Variants in BBOF1 observed in about 807,000 individuals in gnomAD.
The protein encoded by BBOF1 is basal body-orientation factor 1.
In BBOF1, 62 loss-of-function variants were observed where a neutral mutation model predicts 68.0. The observed-to-expected ratio is 0.91, with a 90% CI of 0.74 to 1.13. The LOEUF is 1.13. Among genes scored for constraint, BBOF1 ranks in the 50% most tolerant of loss-of-function variants. BBOF1 has a pLI of 0.00. For synonymous variants in BBOF1, 208 were observed against 198.8 expected, an observed-to-expected ratio of 1.05 and a Z score of -0.39; for missense variants, 534 against 600.1, an observed-to-expected ratio of 0.89 and a Z score of 1.15.
intron 6 of BBOF1, 56 bp downstream of exon 6, chr14:74,046,186 G>A: frequency 1.4e-6 from 2 of 1,444,032 alleles, no homozygotes; most frequent in Non-Finnish European, 1.9e-6. Context: ...CTCTTTGCTG[G>A]TCTCTTTTCT....
chr14:74,075,467 G>A (rs1231709295), intron 9 of BBOF1, among the ~76,000 whole-genome samples: 1 of 151,966 alleles, frequency 6.6e-6, no homozygotes, highest in Non-Finnish European at 1.5e-5. Context: ...AGACCACCCT[G>A]GGCAACATGG....
At chr14:74,029,276 C>T (rs560889719) in intron 3 of BBOF1, 27 bp downstream of exon 3, 1 of 1,414,268 alleles carries the variant, frequency 7.1e-7, no homozygotes, top group Non-Finnish European at 9.8e-7. Flanking sequence ...TACTAATACT[C>T]CACTTACTGG....
chr14:74,020,399 C>A (rs957084427), intron 1 of BBOF1, among the ~76,000 whole-genome samples: 9 of 152,134 alleles, frequency 5.9e-5, no homozygotes, highest in Non-Finnish European at 1.3e-4. Context: ...GGGTAAGAGA[C>A]CTTATTCCTT....
intron 3 of BBOF1, among the ~76,000 whole-genome samples, chr14:74,030,949 G>GAC (rs2059554472): frequency 1.3e-5 from 2 of 150,726 alleles, no homozygotes; most frequent in African/African-American, 4.9e-5. Flanking sequence ...TAGAGAGAGA[G>GAC]AGATTATATA....
chr14:74,058,546 G>A (rs2060270583), intron 11 of BBOF1: 1 of 150,262 alleles, frequency 6.7e-6, no homozygotes, highest in Non-Finnish European at 1.5e-5. Flanking sequence ...TATCCAGCCA[G>A]GTGGTAGTAA....
chr14:74,041,526 G>A (rs1445165440), intron 5 of BBOF1, among the ~76,000 whole-genome samples: 2 of 152,082 alleles, frequency 1.3e-5, no homozygotes, highest in Admixed American at 6.6e-5. Context: ...GTAGGCACTT[G>A]AGGGTGGGGC....
downstream of BBOF1, chr14:74,068,788 T>TG: frequency 6.4e-7 from 1 of 1,562,608 alleles, no homozygotes; most frequent in Non-Finnish European, 8.8e-7. Flanking sequence ...GTGGCCTCTC[T>TG]GCTGAAGGTC....
chr14:74,047,828 C>A, intron 6 of BBOF1, 102 bp from the exon 7 acceptor site: 1 of 980,796 alleles, frequency 1.0e-6, no homozygotes, highest in Non-Finnish European at 1.5e-6. Context: ...GTGGTAGTCA[C>A]TATTGATAAT....
At chr14:74,031,513 A>C (rs2059569245) in intron 3 of BBOF1, among the ~76,000 whole-genome samples, 1 of 152,158 alleles carries the variant, frequency 6.6e-6, no homozygotes, top group African/African-American at 2.4e-5. Flanking sequence ...AGAATACCAT[A>C]GACTGAGGTG....
intron 1 of BBOF1, among the ~76,000 whole-genome samples, chr14:74,021,028 G>A (rs1328738065): frequency 2.0e-5 from 3 of 152,182 alleles, no homozygotes; most frequent in African/African-American, 7.2e-5. Context: ...CTGAGAACCA[G>A]AGGTAGGAAA....
chr14:74,044,364 T>G (rs2059901165), intron 5 of BBOF1, among the ~76,000 whole-genome samples: 1 of 152,136 alleles, frequency 6.6e-6, no homozygotes, highest in Non-Finnish European at 1.5e-5. Context: ...TATTAATTCT[T>G]TTTATTTGTT....
Position 74,033,941 on chromosome 14 carries a change from G to A in BBOF1, c.352-87G>A, listed in dbSNP as rs574205184. On this transcript the variant is annotated intron_variant, in intron 3 of 11. Coordinates refer to ENST00000394009, the MANE Select transcript of BBOF1 (RefSeq NM_025057.3). ...GGGGATATTTCTTCAAAGAAGATAT[G>A]CAAATGGCGTAAGGCTTCAAATGAA... 6 of 875,918 alleles carry A rather than the reference G, an allele frequency of 6.8e-6. No individual in the cohort carries two copies. In the African/African-American group the frequency reaches 7.0e-5, roughly 10 times the overall value. 54.3% of individuals were successfully genotyped at this position (875,918 alleles called of 1,614,324 possible). A position where few individuals can be genotyped will look rare whatever the true frequency, so the allele number is the denominator to read the frequency against.
downstream of BBOF1, among the ~76,000 whole-genome samples, chr14:74,068,431 G>C (rs764409537): frequency 2.6e-5 from 4 of 151,154 alleles, no homozygotes; most frequent in South Asian, 2.1e-4. Context: ...CTCCTCAAAA[G>C]GTTCATGATT....
At chr14:74,027,255 T>G (rs928469451) in intron 2 of BBOF1, among the ~76,000 whole-genome samples, 13 of 151,708 alleles carry the variant, frequency 8.6e-5, no homozygotes, top group Non-Finnish European at 1.9e-4. Flanking sequence ...CCTGGCTAAT[T>G]TTTGTGTTTG....
intron 9 of BBOF1, chr14:74,071,877 T>C (rs1477142728): frequency 2.5e-6 from 4 of 1,613,392 alleles, no homozygotes; most frequent in South Asian, 2.2e-5. Flanking sequence ...AAAAGTCCCA[T>C]AAGGGGCTCC....
At chr14:74,079,357 C>T (rs1000222607) in intron 10 of BBOF1, among the ~76,000 whole-genome samples, 3 of 152,052 alleles carry the variant, frequency 2.0e-5, no homozygotes, top group African/African-American at 7.3e-5. Context: ...GGCGATTCTC[C>T]TGCCTCAGCC....
intron 2 of BBOF1, among the ~76,000 whole-genome samples, chr14:74,026,287 C>T (rs2059424433): frequency 6.6e-6 from 1 of 151,398 alleles, no homozygotes. Context: ...ACTGAAAATA[C>T]AAAAATTAGC....
At chr14:74,057,722 T>G in intron 11 of BBOF1, 1 of 1,179,130 alleles carries the variant, frequency 8.5e-7, no homozygotes. Context: ...CAATGTAGAA[T>G]CTGAGAAATT....
chr14:74,069,973 G>A (rs930441656), downstream of BBOF1, among the ~76,000 whole-genome samples: 1 of 151,154 alleles, frequency 6.6e-6, no homozygotes, highest in Admixed American at 6.6e-5. Flanking sequence ...CACCTCATGG[G>A]ACTACCTGCA....
Sources: gnomAD v4.1 joint callset for allele counts (sites outside exome capture counted in the v4.1 genomes callset) on GRCh38, gnomAD v4.1.1 for gene constraint, MANE v1.5 for transcripts, NCBI Gene and HGNC (gene_info 2026-07-23, HGNC 2026-07-21) for gene names.